The following IPO9 variants were observed in gnomAD, a reference collection of about 807,000 sequenced individuals.
The protein encoded by IPO9 is importin 9.
A neutral mutation model predicts 128.6 loss-of-function variants in IPO9; 28 were observed. That is an observed-to-expected ratio of 0.22 (90% confidence interval 0.16 to 0.30). The LOEUF is 0.30. IPO9 is among the 10% of genes least tolerant of loss of function. The pLI is 1.00. For synonymous variants in IPO9, 455 were observed against 475.8 expected (o/e 0.96, Z 0.57); for missense variants, 935 against 1,293.9 (o/e 0.72, Z 4.26).
chr1:201,840,474 A>G (rs1233133902), intron 1 of IPO9, among the ~76,000 whole-genome samples: 1 of 152,214 alleles, frequency 6.6e-6, no homozygotes, highest in Non-Finnish European at 1.5e-5. Context: ...CTGAAGGAAA[A>G]TTTGATCACA....
chr1:201,884,120 C>T lies in IPO9; in HGVS notation c.*8066C>T, dbSNP rs1210753069. The T allele has an allele frequency of 6.6e-6, 1 of 152,162 alleles. No homozygotes were observed. The highest frequency in any genetic ancestry group is 1.5e-5 in the Non-Finnish European group (1 of 68,048). 9.4% of individuals were successfully genotyped at this position (152,162 alleles called of 1,614,324 possible). On this transcript the variant is annotated 3_prime_UTR_variant, in exon 24 of 24. Coordinates refer to ENST00000361565, the MANE Select transcript of IPO9 (RefSeq NM_018085.5). ...AGTTAGTGGTTCAGAGCATGGGCTC[C>T]GGAGCTAGACTGCCTGGATTTGAAC...
At chr1:201,857,595 A>G (rs185963550) in intron 11 of IPO9, among the ~76,000 whole-genome samples, 1 of 152,260 alleles carries the variant, frequency 6.6e-6, no homozygotes, top group Non-Finnish European at 1.5e-5. Flanking sequence ...CCAGAGTTCA[A>G]GACTAGCCTG....
At chr1:201,846,917 C>A (rs931757006) in intron 1 of IPO9, among the ~76,000 whole-genome samples, 1 of 152,208 alleles carries the variant, frequency 6.6e-6, no homozygotes, top group African/African-American at 2.4e-5. Flanking sequence ...GATCCACCCA[C>A]CTCGACCTCC....
intron 13 of IPO9, among the ~76,000 whole-genome samples, chr1:201,859,503 G>A (rs939087381): frequency 5.9e-5 from 9 of 151,920 alleles, no homozygotes; most frequent in Non-Finnish European, 1.0e-4. Context: ...GAGAATTATC[G>A]AGTACTGCTC....
Position 201,870,502 on chromosome 1 carries a change from A to G in IPO9, c.2134-81A>G. 6.7e-7 allele frequency: 1 copy of G among 1,490,450 alleles called. No individual in the cohort carries two copies. Among genetic ancestry groups the G allele is most frequent in the Non-Finnish European group, 9.0e-7 (1 of 1,106,442 alleles). The allele number at this position is 1,490,450 out of a possible 1,614,324, so 92.3% of individuals were successfully genotyped here. On this transcript the variant is annotated intron_variant, in intron 17 of 23. Coordinates refer to ENST00000361565, the MANE Select transcript of IPO9 (RefSeq NM_018085.5). This position sits in a 1 kb window ranked among gnomAD's most constrained non-coding sequence, Gnocchi z 4.9. ...CTTTTATGAGGCATAGGCCTCTGGG[A>G]ACATTTGTTTATACAGACTGAGGGC...
chr1:201,831,454 T>G (rs10920260), intron 1 of IPO9, among the ~76,000 whole-genome samples: 31,864 of 152,100 alleles, frequency 0.21, 3,492 homozygotes, highest in South Asian at 0.25. Context: ...TGCTTGTGTC[T>G]TTTAAGTAGT....
rs775718007 is a variant in IPO9 at position 201,854,676 on chromosome 1, C to T, written c.772C>T (p.Pro258Ser). The T allele has an allele frequency of 1.9e-6, 3 of 1,614,074 alleles. No homozygotes were observed. The highest frequency in any genetic ancestry group is 1.3e-5 in the African/African-American group (1 of 75,010). The change falls in exon 7 of 24, where the codon CCC becomes TCC. Residue 258 changes from proline to serine, a missense_variant. Physicochemically the swap from Pro to Ser is moderately conservative, Grantham distance 74. Coordinates refer to ENST00000361565, the MANE Select transcript of IPO9 (RefSeq NM_018085.5). ...TCAGGCCCTCCAGATACCAGATGGCCCCACATCTGACAGTGGGTTTAAGAT... is the reference window on the plus strand; with the variant it reads ...TCAGGCCCTCCAGATACCAGATGGCTCCACATCTGACAGTGGGTTTAAGAT... The part of the protein sequence containing the change: ...FVQALQIPDG[P>S]TSDSGFKMEV...
chr1:201,872,003 G>A (rs1680661998), intron 19 of IPO9, among the ~76,000 whole-genome samples: 1 of 152,046 alleles, frequency 6.6e-6, no homozygotes, highest in African/African-American at 2.4e-5. Flanking sequence ...AGGAGGCTGA[G>A]GCGAGCAGAT....
Position 201,855,920 on chromosome 1 carries a change from A to G in IPO9, c.1108A>G (p.Ile370Val), listed in dbSNP as rs780244370. The change falls in exon 10 of 24, where the codon ATC becomes GTC. Residue 370 changes from isoleucine (I) to valine (V), a missense_variant. Ile to Val is a conservative substitution (Grantham distance 29). Around this residue, in one of 3 missense-constraint regions of IPO9, gnomAD observed 741 missense variants for 1,019.1 expected, o/e 0.73. Transcript: ENST00000361565. ...LIYYIILYMQ[I>V]TEEQIKVWTA... is the part of the protein sequence containing the mutation. ...TTATTATATTATCCTGTACATGCAA[A>G]TCACTGAGGAGCAGGTAAATAATAT... 1.3e-6 allele frequency: 2 copies of G among 1,586,868 alleles called. No homozygotes were observed. The highest frequency in any genetic ancestry group is 2.3e-5 in the South Asian group (2 of 85,338).
chr1:201,852,293 T>C, intron 5 of IPO9, 101 bp downstream of exon 5: 1 of 667,406 alleles, frequency 1.5e-6, no homozygotes, highest in Non-Finnish European at 2.6e-6. Flanking sequence ...TCTCAATACC[T>C]AAAAACTAGA....
rs1416803440 is a variant in IPO9 at position 201,852,942 on chromosome 1, C to G, written c.604-69C>G. 6.5e-6 allele frequency: 8 copies of G among 1,222,824 alleles called. No individual in the cohort carries two copies. The Admixed American group carries it at 6.9e-5, about 11-fold the overall frequency. 75.7% of individuals were successfully genotyped at this position (1,222,824 alleles called of 1,614,324 possible). ...CATTAGTCATAGTTTTACTTCTAGT[C>G]TGAGATACACACATACCTACACACT... On this transcript the variant is annotated intron_variant, in intron 5 of 23. Transcript: ENST00000361565.
In IPO9 at chr1:201,854,826, G is replaced by T. The variant is rs1411372690; in HGVS notation, c.814G>T (p.Val272Leu). 6.2e-7 allele frequency: 1 copy of T among 1,607,112 alleles called. No individual in the cohort carries two copies. The highest frequency in any genetic ancestry group is 8.5e-7 in the Non-Finnish European group (1 of 1,177,754). ...TCCTTTTCTCTTAACTTCTTAGGCA[G>T]TGACAGCCCTAGTGAAAAACTTCCC... The part of the protein sequence containing the change: ...SGFKMEVLKA[V>L]TALVKNFPKH... The change falls in exon 8 of 24, where the codon GTG becomes TTG. Residue 272 changes from valine (V) to leucine (L), a missense_variant. Transcript: ENST00000361565.
intron 1 of IPO9, among the ~76,000 whole-genome samples, chr1:201,835,601 A>G (rs1188425867): frequency 6.6e-6 from 1 of 152,262 alleles, no homozygotes; most frequent in Non-Finnish European, 1.5e-5. Flanking sequence ...CCTAACAAAA[A>G]TAGCTTTAGA....
intron 11 of IPO9, among the ~76,000 whole-genome samples, 156 bp downstream of exon 11, chr1:201,857,350 G>A (rs1680348013): frequency 6.6e-6 from 1 of 152,130 alleles, no homozygotes; most frequent in South Asian, 2.1e-4. Context: ...AATGAAATTC[G>A]AGACTCAGAA....
In IPO9 at chr1:201,870,544, C is replaced by T; in HGVS notation, c.2134-39C>T. 2 of 1,594,360 alleles carry T rather than the reference C, an allele frequency of 1.3e-6. No individual in the cohort carries two copies. The highest frequency in any genetic ancestry group is 1.7e-6 in the Non-Finnish European group (2 of 1,168,404). On this transcript the variant is annotated intron_variant, in intron 17 of 23. Transcript: ENST00000361565. The surrounding 1 kb of genome is among the most constrained non-coding windows in gnomAD (Gnocchi z 4.9). ...ACTGAGGGCCTTCTGGCATCTGTCC[C>T]TCGATTACTAATCTTGCTTGCCACC...
In IPO9 at chr1:201,874,329, G is replaced by T. The variant is rs757744754; in HGVS notation, c.2790G>T (p.Glu930Asp). The change falls in exon 21 of 24, where the codon GAG (glutamate) becomes GAT (aspartate). Residue 930 changes from glutamate to aspartate, a missense_variant. Glu to Asp is a conservative substitution (Grantham distance 45, BLOSUM62 2). Transcript: ENST00000361565. ...TCAACGAGCTCTCCAACGTCATGGA[G>T]GCTAATGCCGCTCGCCAGGCCACTC... The part of the protein sequence containing the change: ...LIINELSNVM[E>D]ANAARQATPA... 1 of 1,613,956 alleles carries T rather than the reference G, an allele frequency of 6.2e-7. No homozygotes were observed. The highest frequency in any genetic ancestry group is 1.3e-5 in the African/African-American group (1 of 74,918).
chr1:201,844,844 A>G (rs956620961), intron 1 of IPO9, among the ~76,000 whole-genome samples: 2 of 152,244 alleles, frequency 1.3e-5, no homozygotes, highest in Non-Finnish European at 2.9e-5. Flanking sequence ...AAGGTGGAAC[A>G]TAGATGGGAA....
intron 1 of IPO9, among the ~76,000 whole-genome samples, chr1:201,841,807 AT>A (rs1289831220): frequency 6.6e-6 from 1 of 152,258 alleles, no homozygotes; most frequent in Non-Finnish European, 1.5e-5. Context: ...AACAAAAAAA[AT>A]AAGATAGTAT....
In IPO9 at chr1:201,834,526, C is replaced by T. The variant is rs1193667108; in HGVS notation, c.163+5154C>T. Among the ~76,000 whole-genome samples, 6 of 152,154 alleles carry T rather than the reference C, an allele frequency of 3.9e-5. No individual in the cohort carries two copies. The East Asian group carries it at 7.7e-4, about 20-fold the overall frequency. ...ATGAAGTTCTTTCCCTCTTTTTCTA[C>T]TTCTTTCTCTACTTTTCCTCTAAGA... On this transcript the variant is annotated intron_variant, in intron 1 of 23. Coordinates refer to ENST00000361565, the MANE Select transcript of IPO9 (RefSeq NM_018085.5).
Sources: gnomAD v4.1 joint callset for allele counts (sites outside exome capture counted in the v4.1 genomes callset) on GRCh38, gnomAD v4.1.1 for gene constraint, gnomAD v4.1.1 regional missense constraint, Gnocchi (gnomAD v3.1) non-coding constraint, MANE v1.5 for transcripts, NCBI Gene and HGNC (gene_info 2026-07-23, HGNC 2026-07-21) for gene names.